Variants in FOXP2 observed in about 807,000 individuals in gnomAD.
FOXP2 encodes forkhead box protein P2.
FOXP2 carries 12 observed loss-of-function variants against 115.8 expected under a neutral mutation model. The observed-to-expected ratio is 0.10, with a 90% CI of 0.07 to 0.17. The LOEUF is 0.17. Ranked by LOEUF, FOXP2 falls within the 10% of genes least tolerant of loss-of-function variation. The pLI, the probability that FOXP2 is intolerant of heterozygous loss-of-function variation, is 1.00. For missense variants in FOXP2, 629 were observed against 843.5 expected, an observed-to-expected ratio of 0.75 and a Z score of 3.15; for synonymous variants, 328 against 297.7, an observed-to-expected ratio of 1.10 and a Z score of -1.05.
intron 3 of FOXP2, among the ~76,000 whole-genome samples, chr7:114,578,613 A>T (rs1345537701): frequency 6.6e-6 from 1 of 152,096 alleles, no homozygotes; most frequent in East Asian, 1.9e-4. Context: ...TCTGTCAAAT[A>T]AGGAAATCAC....
intron 2 of FOXP2, among the ~76,000 whole-genome samples, chr7:114,483,112 C>T (rs1796627776): frequency 6.6e-6 from 1 of 151,512 alleles, no homozygotes; most frequent in Admixed American, 6.6e-5. Flanking sequence ...ATTCCTGTTT[C>T]TTTTCTTTTT....
At chr7:114,310,545 T>C (rs1298717374) in intron 2 of FOXP2, among the ~76,000 whole-genome samples, 1 of 151,936 alleles carries the variant, frequency 6.6e-6, no homozygotes, top group Non-Finnish European at 1.5e-5. Flanking sequence ...ACAGTGGCTG[T>C]ATCAGGCAGG....
At chr7:114,226,791 C>A (rs775000112) in intron 1 of FOXP2, among the ~76,000 whole-genome samples, 86 of 151,866 alleles carry the variant, frequency 5.7e-4, no homozygotes, top group Non-Finnish European at 1.1e-3. Context: ...TTGATAATTT[C>A]TTGCTTTTAT....
intron 3 of FOXP2, among the ~76,000 whole-genome samples, chr7:114,547,455 G>A (rs893525317): frequency 2.6e-5 from 4 of 152,070 alleles, no homozygotes; most frequent in Admixed American, 1.3e-4. Flanking sequence ...TGAGAAAATG[G>A]TATTAGAAAT....
intron 11 of FOXP2, among the ~76,000 whole-genome samples, 172 bp from the exon 12 acceptor site, chr7:114,659,184 C>A (rs1039362661): frequency 2.0e-5 from 3 of 152,274 alleles, no homozygotes; most frequent in Middle Eastern, 3.4e-3. Flanking sequence ...TTGCACTTCG[C>A]GTCAGAAATG....
intron 2 of FOXP2, among the ~76,000 whole-genome samples, chr7:114,314,540 A>G (rs1352804590): frequency 1.3e-5 from 2 of 152,202 alleles, no homozygotes; most frequent in Admixed American, 1.3e-4. Context: ...TATTGTATTA[A>G]TATGAAGATA....
At chr7:114,584,108 A>G (rs1229760) in intron 3 of FOXP2, among the ~76,000 whole-genome samples, 110,988 of 152,048 alleles carry the variant, frequency 0.73, 41,329 homozygotes, top group East Asian at 0.98. Context: ...AAAATAATTC[A>G]TTTGGGGTCA....
At chr7:114,555,689 C>G (rs142226491) in intron 3 of FOXP2, among the ~76,000 whole-genome samples, 1 of 151,996 alleles carries the variant, frequency 6.6e-6, no homozygotes, top group Non-Finnish European at 1.5e-5. Context: ...CCCAGCTACA[C>G]GGGAGGCTGA....
intron 2 of FOXP2, among the ~76,000 whole-genome samples, chr7:114,504,146 T>G (rs1797699270): frequency 6.6e-6 from 1 of 151,722 alleles, no homozygotes; most frequent in Admixed American, 6.6e-5. Context: ...CAGAGTTAAT[T>G]TTTACTGTAA....
chr7:114,682,896 AG>A (rs1284694404), intron 16 of FOXP2, among the ~76,000 whole-genome samples: 1 of 152,176 alleles, frequency 6.6e-6, no homozygotes. Flanking sequence ...TTATAGGCAT[AG>A]GTACTGTAAC....
At chr7:114,462,926 T>C (rs1385881641) in intron 2 of FOXP2, 1 of 281,940 alleles carries the variant, frequency 3.5e-6, no homozygotes, top group African/African-American at 2.3e-5. Flanking sequence ...GTATTAGTTG[T>C]CTTTTTATAG....
chr7:114,330,586 T>G (rs545588498), intron 2 of FOXP2, among the ~76,000 whole-genome samples: 7 of 151,516 alleles, frequency 4.6e-5, no homozygotes, highest in Non-Finnish European at 1.0e-4. Context: ...TGAGTATTGT[T>G]GCATGATGTC....
chr7:114,496,552 G>A (rs1311898333), intron 2 of FOXP2, among the ~76,000 whole-genome samples: 4 of 152,060 alleles, frequency 2.6e-5, no homozygotes, highest in African/African-American at 9.7e-5. Context: ...TTAATGTTTG[G>A]AAAACTTTCA....
chr7:114,186,539 C>CT (rs1793611922), intron 1 of FOXP2, among the ~76,000 whole-genome samples: 2 of 25,200 alleles, frequency 7.9e-5, no homozygotes, highest in Admixed American at 2.1e-3. Context: ...CCTTAGGCAT[C>CT]CCTACCCCTG....
intron 1 of FOXP2, among the ~76,000 whole-genome samples, chr7:114,120,698 A>G (rs62469162): frequency 3.0e-4 from 45 of 149,420 alleles, no homozygotes; most frequent in African/African-American, 9.3e-4. Context: ...GTGTATATGT[A>G]TGTGTGTGTG....
chr7:114,689,927 G>A lies in FOXP2; in HGVS notation c.*1G>A. 6.2e-7 allele frequency: 1 copy of A among 1,612,910 alleles called. No individual in the cohort carries two copies. The highest frequency in any genetic ancestry group is 8.5e-7 in the Non-Finnish European group (1 of 1,179,282). ...GCCTTTATCTGAAGATCTGGAATGA[G>A]AACTGACTTGTGAAACCTCAGCGTG... On this transcript the variant is annotated 3_prime_UTR_variant, in exon 17 of 17. Coordinates refer to ENST00000350908, the MANE Select transcript of FOXP2 (RefSeq NM_014491.4).
At chr7:114,228,465 A>G (rs1266829480) in intron 1 of FOXP2, among the ~76,000 whole-genome samples, 3 of 151,960 alleles carry the variant, frequency 2.0e-5, no homozygotes, top group African/African-American at 7.2e-5. Context: ...AGTTCATTAC[A>G]CTTAGAAAAT....
chr7:114,233,316 C>T (rs1322937450), intron 1 of FOXP2, among the ~76,000 whole-genome samples: 1 of 152,142 alleles, frequency 6.6e-6, no homozygotes, highest in African/African-American at 2.4e-5. Context: ...TCTTTATCCT[C>T]TGCATTTTTA....
intron 2 of FOXP2, among the ~76,000 whole-genome samples, chr7:114,325,418 C>T (rs1228420321): frequency 1.4e-4 from 22 of 151,768 alleles, no homozygotes; most frequent in Admixed American, 1.4e-3. Context: ...GCAAAAATGG[C>T]ATATTTTATC....
Sources: gnomAD v4.1 joint callset for allele counts (sites outside exome capture counted in the v4.1 genomes callset) on GRCh38, gnomAD v4.1.1 for gene constraint, MANE v1.5 for transcripts, NCBI Gene and HGNC (gene_info 2026-07-23, HGNC 2026-07-21) for gene names.